Variants in MCC observed in about 807,000 individuals in gnomAD.
MCC encodes colorectal mutant cancer protein.
In MCC, 90 loss-of-function variants were observed where a neutral mutation model predicts 116.2. The ratio of observed to expected loss-of-function variants is 0.77; its 90% CI spans 0.65 to 0.92. The LOEUF is 0.92. MCC is among the 40% of genes least tolerant of loss of function. The pLI, the probability that MCC is intolerant of heterozygous loss-of-function variation, is 0.00. For missense variants in MCC, 1,516 were observed against 1,312.2 expected (o/e 1.16, Z -2.40); for synonymous variants, 578 against 510.5 (o/e 1.13, Z -1.78).
intron 1 of MCC, among the ~76,000 whole-genome samples, chr5:113,420,290 CAAA>C (rs1428770456): frequency 6.6e-6 from 1 of 151,514 alleles, no homozygotes; most frequent in Non-Finnish European, 1.5e-5. Flanking sequence ...ACAACAGCAC[CAAA>C]AACAAGTTAG....
chr5:113,255,503 C>G (rs1764971826), intron 3 of MCC, among the ~76,000 whole-genome samples: 2 of 152,206 alleles, frequency 1.3e-5, no homozygotes, highest in Admixed American at 6.5e-5. Context: ...CATTCCTTAA[C>G]TGAAACAAGG....
intron 3 of MCC, among the ~76,000 whole-genome samples, chr5:113,160,169 G>A (rs1257281724): frequency 3.3e-5 from 5 of 152,104 alleles, no homozygotes; most frequent in Admixed American, 6.5e-5. Flanking sequence ...GCAGGCCCAG[G>A]TACTCACTGT....
chr5:113,298,489 T>A (rs1766766934), intron 3 of MCC, among the ~76,000 whole-genome samples: 1 of 152,188 alleles, frequency 6.6e-6, no homozygotes, highest in African/African-American at 2.4e-5. Context: ...ATTCTTTCCA[T>A]AAATTTGATG....
chr5:113,294,969 G>C (rs1766665572), intron 3 of MCC: 22 of 985,478 alleles, frequency 2.2e-5, no homozygotes, highest in Non-Finnish European at 2.7e-5. Context: ...CAGCTGTCTA[G>C]CTGCTGGCCA....
chr5:113,146,353 G>A (rs1375455799), intron 4 of MCC, among the ~76,000 whole-genome samples: 2 of 1,204 alleles, frequency 1.7e-3, no homozygotes, highest in Non-Finnish European at 0.014. Context: ...TGTTGCAGCT[G>A]CAATCTTCTC....
At chr5:113,454,992 C>G (rs1771503528) in intron 1 of MCC, among the ~76,000 whole-genome samples, 1 of 152,102 alleles carries the variant, frequency 6.6e-6, no homozygotes, top group South Asian at 2.1e-4. Context: ...ACTATCTGAC[C>G]CCAGGCTCCA....
chr5:113,027,992 A>C (rs1302844877), intron 18 of MCC, among the ~76,000 whole-genome samples: 1 of 152,220 alleles, frequency 6.6e-6, no homozygotes, highest in Non-Finnish European at 1.5e-5. Context: ...CCATAAGCCA[A>C]TGCTGCAAAG....
chr5:113,117,684 G>A (rs528467635), intron 6 of MCC, among the ~76,000 whole-genome samples: 6 of 152,342 alleles, frequency 3.9e-5, no homozygotes, highest in South Asian at 2.1e-4. Context: ...CTGCTGTTGC[G>A]TTAACAGAGG....
At chr5:113,307,123 C>T (rs1333592223) in intron 3 of MCC, among the ~76,000 whole-genome samples, 1 of 152,156 alleles carries the variant, frequency 6.6e-6, no homozygotes, top group African/African-American at 2.4e-5. Context: ...TTCAGGGTTG[C>T]TTGGGCTCTT....
intron 6 of MCC, among the ~76,000 whole-genome samples, chr5:113,112,792 G>A (rs1329180757): frequency 1.1e-4 from 16 of 152,200 alleles, no homozygotes; most frequent in Non-Finnish European, 2.4e-4. Context: ...CACTGGATGA[G>A]ATTAACATGT....
At chr5:113,338,720 A>G (rs1767930293) in intron 3 of MCC, among the ~76,000 whole-genome samples, 1 of 152,246 alleles carries the variant, frequency 6.6e-6, no homozygotes, top group South Asian at 2.1e-4. Flanking sequence ...TGAAGCAGGC[A>G]TAGCCTAAGT....
At chr5:113,142,013 A>G (rs1759207089) in intron 5 of MCC, among the ~76,000 whole-genome samples, 1 of 152,152 alleles carries the variant, frequency 6.6e-6, no homozygotes, top group Non-Finnish European at 1.5e-5. Flanking sequence ...ACCTACAATC[A>G]CTGTGAAGAC....
chr5:113,161,888 T>C (rs1343248954), intron 3 of MCC, among the ~76,000 whole-genome samples: 1 of 152,214 alleles, frequency 6.6e-6, no homozygotes, highest in Non-Finnish European at 1.5e-5. Flanking sequence ...AAAATCAGTT[T>C]TAAAATGCTT....
chr5:113,193,779 C>T (rs1345598219), intron 3 of MCC, among the ~76,000 whole-genome samples: 1 of 152,164 alleles, frequency 6.6e-6, no homozygotes, highest in Non-Finnish European at 1.5e-5. Flanking sequence ...TTTATGGGGT[C>T]AATTTGTACA....
chr5:113,028,387 T>G (rs985290570), intron 18 of MCC, among the ~76,000 whole-genome samples: 2 of 152,226 alleles, frequency 1.3e-5, no homozygotes, highest in African/African-American at 4.8e-5. Context: ...GCCATTTTTT[T>G]TTTTGTAAAT....
chr5:113,369,746 A>C (rs1453911035), intron 2 of MCC, among the ~76,000 whole-genome samples: 1 of 152,196 alleles, frequency 6.6e-6, no homozygotes, highest in Non-Finnish European at 1.5e-5. Flanking sequence ...TCTATGTCAT[A>C]CTAAATGAAC....
intron 3 of MCC, among the ~76,000 whole-genome samples, chr5:113,232,784 C>T (rs1208976059): frequency 6.6e-6 from 1 of 152,142 alleles, no homozygotes; most frequent in Non-Finnish European, 1.5e-5. Context: ...CCAGACTCTT[C>T]ACCATGTGCA....
intron 13 of MCC, among the ~76,000 whole-genome samples, chr5:113,067,109 G>A (rs549024374): frequency 1.3e-5 from 2 of 152,296 alleles, no homozygotes; most frequent in Non-Finnish European, 2.9e-5. Flanking sequence ...AGAATGACAT[G>A]CTTGTGTCCA....
At chr5:113,244,407 C>T (rs1764494355) in intron 3 of MCC, among the ~76,000 whole-genome samples, 1 of 152,144 alleles carries the variant, frequency 6.6e-6, no homozygotes, top group South Asian at 2.1e-4. Context: ...GGAAATACTC[C>T]AAATTATGTA....
Sources: gnomAD v4.1 joint callset for allele counts (sites outside exome capture counted in the v4.1 genomes callset) on GRCh38, gnomAD v4.1.1 for gene constraint, MANE v1.5 for transcripts, NCBI Gene and HGNC (gene_info 2026-07-23, HGNC 2026-07-21) for gene names.